Variants in PTTG1IP2 observed in about 807,000 individuals in gnomAD.
PTTG1IP2 encodes the protein PTTG1IP family member 2.
chr7:90,509,683 G>A (rs1317574061), intron 6 of PTTG1IP2, among the ~76,000 whole-genome samples: 2 of 152,140 alleles, frequency 1.3e-5, no homozygotes, highest in African/African-American at 2.4e-5. Flanking sequence ...TGACTGTGGA[G>A]TGGACCCTTC....
intron 1 of PTTG1IP2, among the ~76,000 whole-genome samples, chr7:90,478,234 A>G (rs1208855925): frequency 1.3e-5 from 2 of 152,170 alleles, no homozygotes; most frequent in African/African-American, 4.8e-5. Flanking sequence ...TTTACAAAAA[A>G]GCTGTGGGAA....
At chr7:90,501,101 T>C (rs1798056266) in intron 6 of PTTG1IP2, among the ~76,000 whole-genome samples, 1 of 152,224 alleles carries the variant, frequency 6.6e-6, no homozygotes, top group Admixed American at 6.5e-5. Context: ...GGGCCACATA[T>C]GACCACTTTT....
At chr7:90,473,934 G>A (rs1797718360) in intron 1 of PTTG1IP2, among the ~76,000 whole-genome samples, 1 of 152,194 alleles carries the variant, frequency 6.6e-6, no homozygotes. Context: ...GAGTTAATCT[G>A]TGTTATGCAC....
chr7:90,486,229 T>C (rs1797873707), intron 2 of PTTG1IP2, among the ~76,000 whole-genome samples: 1 of 152,308 alleles, frequency 6.6e-6, no homozygotes, highest in South Asian at 2.1e-4. Context: ...CACAGAGCCA[T>C]GCTACTTAGG....
At chr7:90,491,510 C>A (rs111519779) in intron 4 of PTTG1IP2, among the ~76,000 whole-genome samples, 30,329 of 151,818 alleles carry the variant, frequency 0.2, 3,611 homozygotes, top group East Asian at 0.55. Flanking sequence ...ATGGTTCCAG[C>A]TACTCAGGAG....
chr7:90,493,988 A>C (rs1273085485), intron 5 of PTTG1IP2, among the ~76,000 whole-genome samples: 1 of 152,218 alleles, frequency 6.6e-6, no homozygotes, highest in African/African-American at 2.4e-5. Flanking sequence ...CTGTGAAGAC[A>C]GTTATTTTTC....
In PTTG1IP2 at chr7:90,507,609, G is replaced by A. The variant is rs1798138551; in HGVS notation, c.*51-5669G>A. On this transcript the variant is annotated intron_variant, in intron 6 of 6. Transcript: ENST00000509356. The stretch of plus-strand genomic sequence containing the variant: ...AAGATAGGGCCATGAAGTAGAAGGA[G>A]CTCAATCTCAGGGCCAGAAATATCT... Among the ~76,000 whole-genome samples the A allele has an allele frequency of 3.3e-5, 5 of 152,144 alleles. No homozygotes were observed. The South Asian group carries it at 8.3e-4, about 25-fold the overall frequency.
chr7:90,475,194 T>TA (rs1352701087), intron 1 of PTTG1IP2, among the ~76,000 whole-genome samples: 3 of 152,134 alleles, frequency 2.0e-5, no homozygotes, highest in Admixed American at 1.3e-4. Flanking sequence ...TGGCAAGCAG[T>TA]AAAAAATCTA....
At chr7:90,470,036 T>A (rs1254965165) in intron 1 of PTTG1IP2, 105 bp downstream of exon 1, 1 of 152,620 alleles carries the variant, frequency 6.6e-6, no homozygotes, top group Non-Finnish European at 1.5e-5. Context: ...TCAAAAGTTG[T>A]CATTTGGTGT....
At chr7:90,479,894 ACT>A (rs762397660) in intron 2 of PTTG1IP2, among the ~76,000 whole-genome samples, 2 of 152,118 alleles carry the variant, frequency 1.3e-5, no homozygotes, top group Non-Finnish European at 1.5e-5. Context: ...AAAAGGGCAC[ACT>A]CTGGTAGTTG....
chr7:90,496,368 TG>T (rs1172801812), intron 6 of PTTG1IP2, among the ~76,000 whole-genome samples: 6 of 152,338 alleles, frequency 3.9e-5, no homozygotes, highest in African/African-American at 1.4e-4. Context: ...GAATTCAATC[TG>T]GGTGTGTTGT....
At chr7:90,485,774 C>T (rs1199455173) in intron 2 of PTTG1IP2, among the ~76,000 whole-genome samples, 1 of 152,168 alleles carries the variant, frequency 6.6e-6, no homozygotes, top group Non-Finnish European at 1.5e-5. Context: ...TGGGAATCAG[C>T]TTAGCACTTA....
chr7:90,486,629 C>T (rs1302859096), intron 2 of PTTG1IP2, among the ~76,000 whole-genome samples: 1 of 151,988 alleles, frequency 6.6e-6, no homozygotes, highest in East Asian at 1.9e-4. Flanking sequence ...TGAGGTAAGG[C>T]TTGTTGACAG....
chr7:90,499,151 C>T (rs1798033193), intron 6 of PTTG1IP2, among the ~76,000 whole-genome samples: 2 of 152,116 alleles, frequency 1.3e-5, no homozygotes, highest in Admixed American at 6.5e-5. Context: ...TGCACATGGC[C>T]CTTTTTAACA....
At chr7:90,496,429 G>A (rs1001336634) in intron 6 of PTTG1IP2, among the ~76,000 whole-genome samples, 2 of 152,024 alleles carry the variant, frequency 1.3e-5, no homozygotes, top group Non-Finnish European at 2.9e-5. Flanking sequence ...ATTTGTTGGT[G>A]TATAATTCTT....
At chr7:90,505,952 C>A (rs1394879137) in intron 6 of PTTG1IP2, among the ~76,000 whole-genome samples, 3 of 132,944 alleles carry the variant, frequency 2.3e-5, no homozygotes, top group African/African-American at 8.5e-5. Flanking sequence ...CCACTGCAGT[C>A]CGCAGTCCGG....
chr7:90,509,188 G>C (rs183696221), intron 6 of PTTG1IP2, among the ~76,000 whole-genome samples: 2 of 151,790 alleles, frequency 1.3e-5, no homozygotes, highest in Non-Finnish European at 2.9e-5. Context: ...GGTGTTATTG[G>C]GGGGATGGGG....
chr7:90,501,127 G>A (rs904522551), intron 6 of PTTG1IP2, among the ~76,000 whole-genome samples: 3 of 152,104 alleles, frequency 2.0e-5, no homozygotes, highest in East Asian at 1.9e-4. Flanking sequence ...CAGGTTAAGC[G>A]AATTTTGGAA....
chr7:90,498,921 G>A (rs928293722), intron 6 of PTTG1IP2, among the ~76,000 whole-genome samples: 9 of 152,048 alleles, frequency 5.9e-5, no homozygotes, highest in African/African-American at 2.2e-4. Context: ...GCATGATCAT[G>A]GCTCACTGCA....
Sources: allele counts gnomAD v4.1 joint callset (sites outside exome capture counted in the v4.1 genomes callset), GRCh38; gene constraint gnomAD v4.1.1; transcripts MANE v1.5; gene names NCBI Gene and HGNC (gene_info 2026-07-23, HGNC 2026-07-21).